MTUS2: variants seen among roughly 807,000 people sequenced by gnomAD.
The protein encoded by MTUS2 is microtubule associated scaffold protein 2.
In MTUS2, 40 loss-of-function variants were observed where a neutral mutation model predicts 114.1. The ratio of observed to expected loss-of-function variants is 0.35; its 90% CI spans 0.27 to 0.46. The LOEUF is 0.46. MTUS2 is among the 20% of genes least tolerant of loss of function. The pLI is 1.00. For missense variants in MTUS2, 1,679 were observed against 1,705.4 expected (o/e 0.98, Z 0.27); for synonymous variants, 688 against 672.0 (o/e 1.02, Z -0.37).
At chr13:29,096,052 G>C (rs968506495) in intron 4 of MTUS2, among the ~76,000 whole-genome samples, 4 of 151,352 alleles carry the variant, frequency 2.6e-5, no homozygotes, top group African/African-American at 9.7e-5. Flanking sequence ...TTTTATTTTT[G>C]TTGTAATGAA....
At chr13:29,292,378 T>G (rs1178184357) in intron 6 of MTUS2, among the ~76,000 whole-genome samples, 3 of 152,224 alleles carry the variant, frequency 2.0e-5, no homozygotes, top group Non-Finnish European at 4.4e-5. Flanking sequence ...GATGTGAGTT[T>G]TTGGTGAGTG....
intron 5 of MTUS2, among the ~76,000 whole-genome samples, chr13:29,244,732 G>A (rs368030485): frequency 3.3e-5 from 5 of 151,618 alleles, no homozygotes; most frequent in South Asian, 2.1e-4. Context: ...CGAGGCGGGC[G>A]GATCACGAGG....
At chr13:28,996,076 TA>T (rs1885088872) in intron 2 of MTUS2, among the ~76,000 whole-genome samples, 3 of 152,320 alleles carry the variant, frequency 2.0e-5, no homozygotes, top group East Asian at 3.9e-4. Flanking sequence ...ATCCCATCAA[TA>T]ACCTCATTTA....
At chr13:29,163,008 G>C (rs1893165552) in intron 5 of MTUS2, among the ~76,000 whole-genome samples, 1 of 152,082 alleles carries the variant, frequency 6.6e-6, no homozygotes, top group Non-Finnish European at 1.5e-5. Context: ...TCTAACATGT[G>C]TGTGGGCATG....
intron 8 of MTUS2, among the ~76,000 whole-genome samples, chr13:29,401,760 A>G (rs1055963405): frequency 2.0e-5 from 3 of 152,210 alleles, no homozygotes; most frequent in Admixed American, 1.3e-4. Context: ...GTTTATAACA[A>G]AATTATCTAT....
chr13:29,349,742 C>G (rs1191612106), intron 7 of MTUS2, among the ~76,000 whole-genome samples: 1 of 152,038 alleles, frequency 6.6e-6, no homozygotes, highest in East Asian at 1.9e-4. Context: ...TTATTCTTAT[C>G]TTTGGGTCTT....
chr13:29,037,594 C>T (rs1887140701), intron 4 of MTUS2, among the ~76,000 whole-genome samples: 1 of 152,080 alleles, frequency 6.6e-6, no homozygotes, highest in Non-Finnish European at 1.5e-5. Context: ...TGGATAATAT[C>T]CTGAAGTGTG....
At chr13:28,944,936 A>C (rs540828472) in intron 2 of MTUS2, among the ~76,000 whole-genome samples, 1 of 152,316 alleles carries the variant, frequency 6.6e-6, no homozygotes, top group Non-Finnish European at 1.5e-5. Context: ...AATAATGTAC[A>C]TTGAACCTAT....
chr13:29,138,309 T>TA (rs1892069016), intron 5 of MTUS2, among the ~76,000 whole-genome samples: 1 of 152,022 alleles, frequency 6.6e-6, no homozygotes, highest in South Asian at 2.1e-4. Context: ...CCAAAACAGT[T>TA]ACATCAGACA....
At chr13:28,968,657 T>A (rs1449801660) in intron 2 of MTUS2, among the ~76,000 whole-genome samples, 1 of 152,190 alleles carries the variant, frequency 6.6e-6, no homozygotes, top group South Asian at 2.1e-4. Context: ...TCATGTCCTA[T>A]TTATGAGTTT....
intron 9 of MTUS2, among the ~76,000 whole-genome samples, chr13:29,447,430 C>A (rs1001497787): frequency 6.6e-6 from 1 of 151,984 alleles, no homozygotes; most frequent in Non-Finnish European, 1.5e-5. Flanking sequence ...GCTATTTGAG[C>A]TGATTCATCT....
chr13:29,103,665 A>C (rs1890524945), intron 5 of MTUS2, among the ~76,000 whole-genome samples: 1 of 152,190 alleles, frequency 6.6e-6, no homozygotes, highest in African/African-American at 2.4e-5. Context: ...CACAAACGTG[A>C]GTAATGTGTT....
Position 28,893,235 on chromosome 13 carries a change from C to T in MTUS2, c.-243+53385C>T, listed in dbSNP as rs1861874482. Among the ~76,000 whole-genome samples the T allele has an allele frequency of 3.3e-5, 5 of 152,110 alleles. No homozygotes were observed. The South Asian group carries it at 1.0e-3, about 32-fold the overall frequency. On this transcript the variant is annotated intron_variant, in intron 2 of 15. Coordinates refer to ENST00000612955, the MANE Select transcript of MTUS2 (RefSeq NM_001033602.4). ...CAGGTGTCCTAGCCAGACAGAAAAA[C>T]CAGCTTGAAAAGCTATTTATTAAGC... is the stretch of plus-strand genomic sequence containing the variant.
At chr13:29,037,716 A>G (rs1887146989) in intron 4 of MTUS2, among the ~76,000 whole-genome samples, 1 of 151,958 alleles carries the variant, frequency 6.6e-6, no homozygotes, top group African/African-American at 2.4e-5. Context: ...ATTCCTTTTC[A>G]TTCTTTTTTC....
chr13:29,174,168 G>A (rs894915973), intron 5 of MTUS2, among the ~76,000 whole-genome samples: 3 of 152,096 alleles, frequency 2.0e-5, no homozygotes, highest in East Asian at 3.9e-4. Context: ...TATCCCAGAT[G>A]GTTCCATGCT....
At chr13:29,239,946 A>G (rs1283608009) in intron 5 of MTUS2, 1 of 146,982 alleles carries the variant, frequency 6.8e-6, no homozygotes, top group Non-Finnish European at 1.5e-5. Context: ...GCCTCACAGA[A>G]TCCTTTGAAA....
intron 9 of MTUS2, chr13:29,476,423 C>T (rs1053898987): frequency 2.0e-5 from 3 of 152,154 alleles, no homozygotes; most frequent in Non-Finnish European, 4.4e-5. Flanking sequence ...GTTTTAAAAT[C>T]AGAATATGAA....
intron 5 of MTUS2, among the ~76,000 whole-genome samples, chr13:29,218,156 A>AAAC (rs1895758426): frequency 6.6e-6 from 1 of 152,160 alleles, no homozygotes; most frequent in African/African-American, 2.4e-5. Context: ...AAAACAAAAA[A>AAAC]AAAACACCTA....
intron 8 of MTUS2, among the ~76,000 whole-genome samples, chr13:29,439,002 C>T (rs774158425): frequency 4.6e-5 from 7 of 152,178 alleles, no homozygotes; most frequent in African/African-American, 9.6e-5. Context: ...CCAAAGGCAA[C>T]GGTGGTTAAG....
Sources: gnomAD v4.1 joint callset for allele counts (sites outside exome capture counted in the v4.1 genomes callset) on GRCh38, gnomAD v4.1.1 for gene constraint, MANE v1.5 for transcripts, NCBI Gene and HGNC (gene_info 2026-07-23, HGNC 2026-07-21) for gene names.